The following RANBP2 variants were observed in gnomAD, a reference collection of about 807,000 sequenced individuals.
RANBP2 encodes RAN binding protein 2.
A neutral mutation model predicts 303.6 loss-of-function variants in RANBP2; 57 were observed. The observed-to-expected ratio is 0.19, with a 90% CI of 0.15 to 0.23. RANBP2 has a LOEUF of 0.23. Among genes scored for constraint, RANBP2 ranks in the 10% least tolerant of loss-of-function variants. The pLI is 1.00. For missense variants in RANBP2, 3,138 were observed against 3,780.8 expected, an observed-to-expected ratio of 0.83 and a Z score of 4.46; for synonymous variants, 1,167 against 1,301.5, an observed-to-expected ratio of 0.90 and a Z score of 2.23.
chr2:109,523,242 G>A, the RANBP2 span, among the ~76,000 whole-genome samples: 19 of 152,146 alleles, frequency 1.2e-4, no homozygotes, highest in African/African-American at 3.6e-4. Context: ...ATCATGTGGC[G>A]GAGAGGCTGC....
the RANBP2 span, among the ~76,000 whole-genome samples, chr2:108,951,297 T>C: frequency 1.3e-5 from 2 of 152,194 alleles, no homozygotes; most frequent in Admixed American, 6.5e-5. Context: ...ACCACACTAC[T>C]GTACAGGTAT....
chr2:109,700,546 A>T, the RANBP2 span, among the ~76,000 whole-genome samples: 3 of 152,120 alleles, frequency 2.0e-5, no homozygotes, highest in Non-Finnish European at 4.4e-5. Flanking sequence ...TAGCCTTTCC[A>T]AAGGAGGCAA....
the RANBP2 span, among the ~76,000 whole-genome samples, chr2:108,873,988 A>G: frequency 6.6e-6 from 1 of 152,192 alleles, no homozygotes; most frequent in Non-Finnish European, 1.5e-5. Flanking sequence ...CCACATATTT[A>G]GTGACAGACT....
the RANBP2 span, among the ~76,000 whole-genome samples, chr2:109,269,615 T>C: frequency 2.0e-5 from 3 of 152,054 alleles, no homozygotes; most frequent in Non-Finnish European, 2.9e-5. Context: ...ACCCCATCTC[T>C]ACTAAAAATA....
At chr2:109,590,009 CATAT>C in the RANBP2 span, among the ~76,000 whole-genome samples, 1 of 149,312 alleles carries the variant, frequency 6.7e-6, no homozygotes, top group African/African-American at 2.5e-5. Flanking sequence ...TTCACATAAT[CATAT>C]ATATATATAC....
chr2:109,751,380 A>G, the RANBP2 span, among the ~76,000 whole-genome samples: 1 of 132,116 alleles, frequency 7.6e-6, no homozygotes, highest in Admixed American at 7.8e-5. Context: ...TCAGAATACT[A>G]TAGACCTTAA....
the RANBP2 span, among the ~76,000 whole-genome samples, chr2:109,167,675 G>A: frequency 2.0e-5 from 3 of 152,134 alleles, no homozygotes; most frequent in African/African-American, 7.2e-5. Flanking sequence ...GGGTTCAAGC[G>A]ATTCTCCTAC....
the RANBP2 span, among the ~76,000 whole-genome samples, chr2:108,900,350 G>A: frequency 6.6e-5 from 10 of 152,326 alleles, no homozygotes; most frequent in East Asian, 1.3e-3. Flanking sequence ...GAGGTCAGGA[G>A]TTCTAGACCA....
At chr2:109,481,960 G>A in the RANBP2 span, among the ~76,000 whole-genome samples, 3 of 152,330 alleles carry the variant, frequency 2.0e-5, no homozygotes, top group African/African-American at 7.2e-5. Flanking sequence ...CCTACAAAAT[G>A]ACTGAAGCAG....
the RANBP2 span, chr2:109,437,127 C>T: frequency 6.2e-7 from 1 of 1,611,884 alleles, no homozygotes; most frequent in Non-Finnish European, 8.5e-7. Context: ...CCAGCCAAGC[C>T]CGGAGCACCA....
the RANBP2 span, among the ~76,000 whole-genome samples, chr2:109,193,554 T>C: frequency 6.6e-6 from 1 of 152,248 alleles, no homozygotes; most frequent in African/African-American, 2.4e-5. Context: ...ATGATGTTTC[T>C]GAAGCTCACC....
rs1378991503 is a variant in RANBP2 at position 108,752,858 on chromosome 2, T to G, written c.1756-140T>G. 62 of 1,548,042 alleles carry G rather than the reference T, an allele frequency of 4.0e-5. 1 individual carries two copies. The South Asian group carries it at 7.3e-4, about 18-fold the overall frequency. ...TAAGGTGGTTTAGTTATTACAGTAT[T>G]TGGAAGTTGAACAAATGACTATTGA... is the stretch of plus-strand genomic sequence containing the variant. On this transcript the variant is annotated intron_variant, in intron 12 of 28. Transcript: ENST00000283195.
the RANBP2 span, among the ~76,000 whole-genome samples, chr2:109,453,106 C>T: frequency 1.3e-5 from 2 of 152,196 alleles, no homozygotes; most frequent in Non-Finnish European, 2.9e-5. Flanking sequence ...GTGCAGGCCT[C>T]TGGGGATAAT....
At chr2:109,152,082 A>G in the RANBP2 span, among the ~76,000 whole-genome samples, 1 of 152,212 alleles carries the variant, frequency 6.6e-6, no homozygotes, top group Non-Finnish European at 1.5e-5. Flanking sequence ...AGTGGTCTTG[A>G]TGGACATGGA....
At chr2:109,359,191 C>T in the RANBP2 span, among the ~76,000 whole-genome samples, 1 of 152,128 alleles carries the variant, frequency 6.6e-6, no homozygotes, top group Non-Finnish European at 1.5e-5. Context: ...ACTTTATTTT[C>T]AGTCTCGAAG....
chr2:109,347,848 T>C, the RANBP2 span: 4 of 1,613,708 alleles, frequency 2.5e-6, no homozygotes, highest in Non-Finnish European at 3.4e-6. Flanking sequence ...CTATATCCAG[T>C]GCATCCAGCC....
the RANBP2 span, among the ~76,000 whole-genome samples, chr2:109,063,188 G>A: frequency 6.6e-6 from 1 of 152,220 alleles, no homozygotes; most frequent in African/African-American, 2.4e-5. Flanking sequence ...TGGGCTCTGA[G>A]TGAGACCTGG....
At chr2:109,251,594 G>A in the RANBP2 span, 116 of 995,170 alleles carry the variant, frequency 1.2e-4, no homozygotes, top group East Asian at 2.7e-3. Context: ...AACAATATTG[G>A]AATGGTGGTA....
the RANBP2 span, among the ~76,000 whole-genome samples, chr2:109,703,384 C>T: frequency 8.5e-5 from 13 of 152,214 alleles, no homozygotes; most frequent in Non-Finnish European, 1.5e-5. Context: ...TTCACATTCA[C>T]TCAGACACTG....
Sources: gnomAD v4.1 joint callset for allele counts (sites outside exome capture counted in the v4.1 genomes callset) on GRCh38, gnomAD v4.1.1 for gene constraint, MANE v1.5 for transcripts, NCBI Gene and HGNC (gene_info 2026-07-23, HGNC 2026-07-21) for gene names.